The following SCML4 variants were observed in gnomAD, a reference collection of about 807,000 sequenced individuals.
SCML4 encodes the protein Scm polycomb group protein like 4.
In SCML4, 34 loss-of-function variants were observed where a neutral mutation model predicts 41.1. That is an observed-to-expected ratio of 0.83 (90% CI 0.63 to 1.10). The LOEUF (loss-of-function observed/expected upper bound fraction) is 1.10, where lower values mean the gene tolerates loss of function less well. Among genes scored for constraint, SCML4 ranks in the 50% least tolerant of loss-of-function variants. The probability of loss-of-function intolerance (pLI) is 0.00; values close to 1 mark genes in which losing one functional copy is unlikely to be tolerated. For missense variants in SCML4, 522 were observed against 534.1 expected (o/e 0.98, Z 0.22); for synonymous variants, 214 against 220.9 (o/e 0.97, Z 0.28).
intron 2 of SCML4, among the ~76,000 whole-genome samples, chr6:107,762,876 C>CTTTTTTTTTTT (rs57370632): frequency 2.2e-5 from 2 of 89,656 alleles, no homozygotes; most frequent in Non-Finnish European, 3.9e-5. Context: ...TAAATGCACT[C>CTTTTTTTTTTT]TTTTTTTTTT....
the SCML4 span, among the ~76,000 whole-genome samples, chr6:107,835,426 AGAGAATCCTT>A: frequency 2.6e-5 from 4 of 152,108 alleles, no homozygotes; most frequent in Non-Finnish European, 5.9e-5. Flanking sequence ...AAAAGATAAA[AGAGAATCCTT>A]GGAATTAAAA....
chr6:107,704,942 C>A lies in SCML4; in HGVS notation c.*258G>T. On this transcript the variant is annotated 3_prime_UTR_variant, in exon 8 of 8. Coordinates refer to ENST00000369020, the MANE Select transcript of SCML4 (RefSeq NM_198081.5). ...CAAATAGGACCCACTTTAAGAGAAA[C>A]CAGCATAACAGGGATGTTAAAAATC... is the stretch of plus-strand genomic sequence containing the variant. 3.8e-6 allele frequency: 2 copies of A among 526,546 alleles called. No homozygotes were observed. The highest frequency in any genetic ancestry group is 7.0e-5 in the East Asian group (2 of 28,486). 32.6% of individuals were successfully genotyped at this position (526,546 alleles called of 1,614,324 possible).
At chr6:107,733,962 C>T (rs562929750) in intron 5 of SCML4, among the ~76,000 whole-genome samples, 35 of 152,324 alleles carry the variant, frequency 2.3e-4, no homozygotes, top group African/African-American at 8.4e-4. Context: ...GCTCTAATGG[C>T]TCACGGAGAA....
intron 2 of SCML4, among the ~76,000 whole-genome samples, chr6:107,765,622 C>A (rs563964140): frequency 6.9e-6 from 1 of 145,232 alleles, no homozygotes; most frequent in East Asian, 1.9e-4. Flanking sequence ...TCGTTTTTTA[C>A]TTAGTGAAAC....
At chr6:107,827,050 G>C (rs922623549), upstream of SCML4, among the ~76,000 whole-genome samples, 1 of 150,816 alleles carries the variant, frequency 6.6e-6, no homozygotes, top group Non-Finnish European at 1.5e-5. Context: ...GCGACAGAGC[G>C]AGACTCCGTC....
chr6:107,781,167 A>C (rs1781458237), intron 1 of SCML4, among the ~76,000 whole-genome samples: 1 of 152,196 alleles, frequency 6.6e-6, no homozygotes. Flanking sequence ...CCAGCTGGAC[A>C]ACATGGTGAG....
At chr6:107,727,017 G>A (rs1255544204) in intron 5 of SCML4, among the ~76,000 whole-genome samples, 6 of 152,132 alleles carry the variant, frequency 3.9e-5, no homozygotes, top group African/African-American at 7.2e-5. Context: ...GGCTATCAAC[G>A]AATGAATAAA....
At chr6:107,786,984 G>A (rs1053249503) in intron 1 of SCML4, among the ~76,000 whole-genome samples, 1 of 152,194 alleles carries the variant, frequency 6.6e-6, no homozygotes, top group East Asian at 1.9e-4. Flanking sequence ...GCCCAGAGAG[G>A]CTACATGAGA....
chr6:107,771,521 T>C (rs563229642), intron 2 of SCML4, among the ~76,000 whole-genome samples: 11 of 152,274 alleles, frequency 7.2e-5, no homozygotes, highest in African/African-American at 2.6e-4. Context: ...CATCAGAGGA[T>C]TTATTCTCCA....
intron 2 of SCML4, among the ~76,000 whole-genome samples, chr6:107,763,842 C>T (rs1469542138): frequency 5.9e-5 from 9 of 152,134 alleles, no homozygotes; most frequent in South Asian, 2.1e-4. Flanking sequence ...TCCTCCAGAA[C>T]GATGACAAAA....
the SCML4 span, among the ~76,000 whole-genome samples, chr6:107,831,166 G>A: frequency 1.2e-4 from 18 of 151,974 alleles, no homozygotes; most frequent in African/African-American, 3.9e-4. Context: ...ATGAGGGGAG[G>A]GGGACACAGA....
Position 107,772,405 on chromosome 6 carries a change from A to G in SCML4, c.-59-19T>C. ...AGAGGTGCTAAGAATTAGTCCAGACACAAAGCAAAACAAAAACAGAAGGGT... is the reference window on the plus strand; with the variant it reads ...AGAGGTGCTAAGAATTAGTCCAGACGCAAAGCAAAACAAAAACAGAAGGGT... On this transcript the variant is annotated intron_variant, in intron 1 of 7. Coordinates refer to ENST00000369020, the MANE Select transcript of SCML4 (RefSeq NM_198081.5). 7.6e-7 allele frequency: 1 copy of G among 1,318,724 alleles called. No homozygotes were observed. 81.7% of individuals were successfully genotyped at this position (1,318,724 alleles called of 1,614,324 possible).
At chr6:107,722,278 T>A (rs1775508321) in intron 5 of SCML4, among the ~76,000 whole-genome samples, 1 of 152,154 alleles carries the variant, frequency 6.6e-6, no homozygotes. Flanking sequence ...AAGCTCAACA[T>A]TGAGCCTGTT....
At chr6:107,805,514 G>A (rs1783657180) in intron 1 of SCML4, among the ~76,000 whole-genome samples, 1 of 152,162 alleles carries the variant, frequency 6.6e-6, no homozygotes, top group South Asian at 2.1e-4. Flanking sequence ...AGTGAAGGAT[G>A]GCAGCCACTG....
At chr6:107,832,672 G>A in the SCML4 span, among the ~76,000 whole-genome samples, 1 of 152,176 alleles carries the variant, frequency 6.6e-6, no homozygotes, top group African/African-American at 2.4e-5. Context: ...AATGACAATT[G>A]CAGGGCTCTT....
At chr6:107,780,697 G>A (rs931628525) in intron 1 of SCML4, among the ~76,000 whole-genome samples, 11 of 151,160 alleles carry the variant, frequency 7.3e-5, no homozygotes, top group African/African-American at 1.7e-4. Context: ...ACAGAGTGAG[G>A]CCCAGTCTCC....
intron 1 of SCML4, among the ~76,000 whole-genome samples, chr6:107,773,824 G>A (rs1367744351): frequency 6.6e-6 from 1 of 152,090 alleles, no homozygotes; most frequent in Non-Finnish European, 1.5e-5. Flanking sequence ...GGAAATGAGA[G>A]GCTTTTGCCC....
chr6:107,780,450 G>C (rs1182303714), intron 1 of SCML4, among the ~76,000 whole-genome samples: 1 of 152,188 alleles, frequency 6.6e-6, no homozygotes, highest in African/African-American at 2.4e-5. Context: ...ACTCATGCCT[G>C]TATTCCCAGC....
intron 3 of SCML4, 103 bp from the exon 4 acceptor site, chr6:107,746,992 C>T: frequency 5.0e-6 from 5 of 991,246 alleles, no homozygotes; most frequent in Non-Finnish European, 7.3e-6. Flanking sequence ...CCCTTTGGCC[C>T]TGGCCTTGGG....
Sources: gnomAD v4.1 joint callset for allele counts (sites outside exome capture counted in the v4.1 genomes callset) on GRCh38, gnomAD v4.1.1 for gene constraint, MANE v1.5 for transcripts, NCBI Gene and HGNC (gene_info 2026-07-23, HGNC 2026-07-21) for gene names.